Variants in NDST4 observed in about 807,000 individuals in gnomAD.
The protein encoded by NDST4 is N-heparan sulfate sulfotransferase 4.
A neutral mutation model predicts 100.8 loss-of-function variants in NDST4; 63 were observed. That is an observed-to-expected ratio of 0.62 (90% CI 0.51 to 0.77). The LOEUF (loss-of-function observed/expected upper bound fraction) is 0.77. NDST4 is among the 30% of genes least tolerant of loss of function. The pLI is 0.00. For synonymous variants in NDST4, 377 were observed against 361.8 expected (o/e 1.04, Z -0.48); for missense variants, 943 against 1,018.4 (o/e 0.93, Z 1.01).
chr4:114,888,672 C>A (rs2126205047), intron 6 of NDST4, among the ~76,000 whole-genome samples: 1 of 152,220 alleles, frequency 6.6e-6, no homozygotes, highest in Non-Finnish European at 1.5e-5. Flanking sequence ...TTTTTAATTT[C>A]TCCTTGTTAA....
At chr4:115,063,519 T>C (rs1022271977) in intron 2 of NDST4, among the ~76,000 whole-genome samples, 1 of 152,008 alleles carries the variant, frequency 6.6e-6, no homozygotes, top group African/African-American at 2.4e-5. Context: ...ATAGCAAATT[T>C]TTGTTTTATT....
chr4:115,041,058 C>G (rs567174135), intron 2 of NDST4, among the ~76,000 whole-genome samples: 2 of 152,092 alleles, frequency 1.3e-5, no homozygotes, highest in East Asian at 3.9e-4. Flanking sequence ...TAAAGGTATT[C>G]CAGCTATTAA....
At chr4:115,071,892 A>G (rs979294376) in intron 2 of NDST4, among the ~76,000 whole-genome samples, 13 of 152,160 alleles carry the variant, frequency 8.5e-5, no homozygotes, top group Non-Finnish European at 1.3e-4. Flanking sequence ...TATAAGTAAC[A>G]TAGTAGATAA....
At chr4:114,998,615 TCA>T (rs1727216075) in intron 2 of NDST4, among the ~76,000 whole-genome samples, 1 of 152,104 alleles carries the variant, frequency 6.6e-6, no homozygotes, top group Non-Finnish European at 1.5e-5. Flanking sequence ...CTCATTGCTC[TCA>T]GATACATCAT....
intron 2 of NDST4, among the ~76,000 whole-genome samples, chr4:115,058,442 C>T (rs1728748494): frequency 6.6e-6 from 1 of 152,066 alleles, no homozygotes; most frequent in Non-Finnish European, 1.5e-5. Flanking sequence ...ATATTGACTG[C>T]TTTTTAAGTT....
chr4:115,076,397 G>A lies in NDST4; in HGVS notation c.640C>T (p.Pro214Ser), dbSNP rs750055463. The A allele has an allele frequency of 1.2e-6, 2 of 1,613,932 alleles. No individual in the cohort carries two copies. Among genetic ancestry groups the A allele is most frequent in the Non-Finnish European group, 1.7e-6 (2 of 1,179,956 alleles). ...ITKAPKVEKG[P>S]LPGEDWTIFQ... Reference sequence around the variant, plus strand: ...ATAGTCCAGTCTTCCCCAGGAAGAGGGCCTTTCTCAACCTTGGGGGCTTTG... The same window carrying A: ...ATAGTCCAGTCTTCCCCAGGAAGAGAGCCTTTCTCAACCTTGGGGGCTTTG... Residue 214 changes from proline to serine, a missense_variant, in exon 2 of 14, where the codon CCT (proline) becomes TCT (serine). Pro to Ser is a moderately conservative substitution (Grantham distance 74). This residue lies in a region of NDST4 where 417 missense variants were observed against 384.2 expected (regional missense o/e 1.09). Transcript: ENST00000264363.
intron 2 of NDST4, among the ~76,000 whole-genome samples, chr4:115,057,702 G>GCA (rs59805768): frequency 0.059 from 8,754 of 147,152 alleles, 371 homozygotes; most frequent in Middle Eastern, 0.13. Flanking sequence ...GCGTGCGCAC[G>GCA]CACACACACA....
chr4:114,964,972 T>C (rs1468838904), intron 4 of NDST4, among the ~76,000 whole-genome samples: 1 of 152,162 alleles, frequency 6.6e-6, no homozygotes, highest in Admixed American at 6.5e-5. Context: ...GGGTTTTTTA[T>C]TACTGTGATT....
intron 2 of NDST4, among the ~76,000 whole-genome samples, chr4:114,998,356 GGAAA>G (rs917508169): frequency 2.8e-4 from 43 of 152,000 alleles, no homozygotes; most frequent in African/African-American, 9.7e-4. Context: ...CTGTTTTAGT[GGAAA>G]GAATCACTTC....
At chr4:115,065,142 A>C (rs1057311343) in intron 2 of NDST4, among the ~76,000 whole-genome samples, 2 of 151,926 alleles carry the variant, frequency 1.3e-5, no homozygotes, top group African/African-American at 4.8e-5. Flanking sequence ...TTCTGCGAGG[A>C]CTTTCCTGAT....
chr4:115,060,756 C>T (rs897388758), intron 2 of NDST4, among the ~76,000 whole-genome samples: 3 of 151,772 alleles, frequency 2.0e-5, no homozygotes, highest in Non-Finnish European at 2.9e-5. Flanking sequence ...AATACACACA[C>T]ACAGAGAGAT....
At chr4:114,929,859 C>T (rs1051975829) in intron 6 of NDST4, among the ~76,000 whole-genome samples, 4 of 152,012 alleles carry the variant, frequency 2.6e-5, no homozygotes, top group Non-Finnish European at 5.9e-5. Context: ...TCTTTATTGA[C>T]AAATAGACAA....
chr4:115,037,176 G>C (rs1298461525), intron 2 of NDST4, among the ~76,000 whole-genome samples: 1 of 151,738 alleles, frequency 6.6e-6, no homozygotes, highest in Non-Finnish European at 1.5e-5. Context: ...GATTCTTCCT[G>C]AAAGAAAAAA....
At chr4:114,877,671 G>T (rs1406288735) in intron 6 of NDST4, among the ~76,000 whole-genome samples, 2 of 152,142 alleles carry the variant, frequency 1.3e-5, no homozygotes, top group East Asian at 3.8e-4. Flanking sequence ...GAAATAGGCC[G>T]GGCGCAATGG....
chr4:114,902,838 G>T (rs1459231440), intron 6 of NDST4, among the ~76,000 whole-genome samples: 2 of 151,798 alleles, frequency 1.3e-5, no homozygotes, highest in African/African-American at 4.8e-5. Context: ...CCCCTTAGCT[G>T]CATCCAAGCT....
intron 6 of NDST4, among the ~76,000 whole-genome samples, chr4:114,895,789 G>A (rs532272836): frequency 1.3e-5 from 2 of 151,978 alleles, no homozygotes; most frequent in South Asian, 2.1e-4. Flanking sequence ...CCTGCACATT[G>A]TGCACATGTA....
chr4:114,868,944 T>TTATATATATATATA (rs3077771), intron 7 of NDST4, among the ~76,000 whole-genome samples: 2 of 143,594 alleles, frequency 1.4e-5, no homozygotes, highest in African/African-American at 5.0e-5. Flanking sequence ...CACTTGCAAA[T>TTATATATATATATA]TATATATATA....
chr4:114,868,280 T>C (rs1160610820), intron 7 of NDST4, among the ~76,000 whole-genome samples: 1 of 152,138 alleles, frequency 6.6e-6, no homozygotes, highest in Non-Finnish European at 1.5e-5. Flanking sequence ...AGCATTGTGA[T>C]GAATGGGCCA....
chr4:114,867,665 C>CAAAAAAAAAAAAAAAAAAAAAGAAA, intron 7 of NDST4, among the ~76,000 whole-genome samples: 1 of 79,898 alleles, frequency 1.3e-5, no homozygotes, highest in African/African-American at 4.9e-5. Flanking sequence ...AAAAAAAAAG[C>CAAAAAAAAAAAAAAAAAAAAAGAAA]AAAAAAAAAA....
Sources: allele counts gnomAD v4.1 joint callset (sites outside exome capture counted in the v4.1 genomes callset), GRCh38; gene constraint gnomAD v4.1.1; regional missense constraint gnomAD v4.1.1; transcripts MANE v1.5; gene names NCBI Gene and HGNC (gene_info 2026-07-23, HGNC 2026-07-21).